ITSN2: variants seen among roughly 807,000 people sequenced by gnomAD.
ITSN2 encodes the protein intersectin-2.
Under a neutral mutation model 243.7 loss-of-function variants are expected in ITSN2, and 156 were observed. The ratio of observed to expected loss-of-function variants is 0.64; its 90% CI spans 0.56 to 0.73. The LOEUF (loss-of-function observed/expected upper bound fraction) is 0.73, where lower values mean the gene tolerates loss of function less well. ITSN2 is among the 30% of genes least tolerant of loss of function. ITSN2 has a pLI of 0.00. For synonymous variants in ITSN2, 703 were observed against 699.9 expected (o/e 1.00, Z -0.07); for missense variants, 1,801 against 1,996.1 (o/e 0.90, Z 1.86).
chr2:24,338,712 C>A (rs1222250436), intron 1 of ITSN2, among the ~76,000 whole-genome samples: 1 of 152,026 alleles, frequency 6.6e-6, no homozygotes, highest in Non-Finnish European at 1.5e-5. Flanking sequence ...AGGGACTTGG[C>A]CAGGTGCAGT....
At chr2:24,222,668 CTTTTTTTTT>C (rs56149622) in intron 29 of ITSN2, among the ~76,000 whole-genome samples, 2 of 77,242 alleles carry the variant, frequency 2.6e-5, no homozygotes, top group African/African-American at 5.4e-5. Context: ...TTTTTCTTTT[CTTTTTTTTT>C]TTTTTTTTTT....
intron 18 of ITSN2, among the ~76,000 whole-genome samples, chr2:24,273,013 G>A (rs80107746): frequency 1.6e-4 from 25 of 152,182 alleles, no homozygotes; most frequent in Non-Finnish European, 3.4e-4. Flanking sequence ...GCACTATCAG[G>A]GCAGTGAAGA....
intron 7 of ITSN2, among the ~76,000 whole-genome samples, 185 bp downstream of exon 7, chr2:24,310,099 C>T (rs939594195): frequency 6.6e-6 from 1 of 151,832 alleles, no homozygotes; most frequent in African/African-American, 2.4e-5. Context: ...GCCACAGACA[C>T]TTAATAATTC....
chr2:24,284,720 G>C, intron 17 of ITSN2, 43 bp downstream of exon 17: 1 of 1,167,774 alleles, frequency 8.6e-7, no homozygotes, highest in Non-Finnish European at 1.3e-6. Flanking sequence ...AAATAAAACA[G>C]CAAAGTAACT....
intron 8 of ITSN2, among the ~76,000 whole-genome samples, chr2:24,305,576 C>CA (rs537945691): frequency 0.081 from 3,122 of 38,606 alleles, 157 homozygotes; most frequent in Non-Finnish European, 0.12. Flanking sequence ...GACTCTGTCT[C>CA]AAAAAAAAAA....
intron 4 of ITSN2, among the ~76,000 whole-genome samples, 165 bp from the exon 5 acceptor site, chr2:24,312,540 A>G (rs558555638): frequency 6.6e-6 from 1 of 152,334 alleles, no homozygotes; most frequent in South Asian, 2.1e-4. Context: ...CAAAAAGATA[A>G]AACCTACACT....
At chr2:24,354,740 T>C (rs1382803834) in intron 1 of ITSN2, among the ~76,000 whole-genome samples, 1 of 152,238 alleles carries the variant, frequency 6.6e-6, no homozygotes, top group Non-Finnish European at 1.5e-5. Flanking sequence ...ATGAAATTTT[T>C]ATTAAAATCA....
In ITSN2 at chr2:24,312,360, T is replaced by G. The variant is rs188780327; in HGVS notation, c.204A>C (p.Leu68=). ...GCTGATCCATCTTCCCATCCTTGTT[T>G]AGGTCTGATAAAGCCCTAAAAGGAG... ...VLAEIWALSD[L]NKDGKMDQQE... is the part of the protein sequence containing the mutation. The change falls in exon 5 of 40, where the codon CTA becomes CTC. Residue 68 remains leucine (L), a synonymous_variant. Coordinates refer to ENST00000355123, the MANE Select transcript of ITSN2 (RefSeq NM_006277.3). 1.1e-5 allele frequency: 17 copies of G among 1,610,470 alleles called. No individual in the cohort carries two copies. Among genetic ancestry groups the G allele is most frequent in the Admixed American group, 1.0e-4 (6 of 59,618 alleles).
At position 24,268,001 on chromosome 2, in the gene ITSN2, T is replaced by C. The variant is rs554526060; in HGVS notation, c.2355+2670A>G. Among the ~76,000 whole-genome samples, 9 of 152,352 alleles carry C rather than the reference T, an allele frequency of 5.9e-5. No homozygotes were observed. The South Asian group carries it at 1.2e-3, about 21-fold the overall frequency. On this transcript the variant is annotated intron_variant, in intron 20 of 39. Transcript: ENST00000355123. ...ATTTTAATCTCTTTCACATCTGTCA[T>C]TTATAGTTGTAATTAATTTTTAGTT...
At position 24,212,709 on chromosome 2, in the gene ITSN2, A is replaced by T. The variant is rs1451700878; in HGVS notation, c.4030T>A (p.Ser1344Thr). ...TGCATGGGTTTCAGCAGGAAGCTGGAGAGGGGCATTCCTTTACACCGCGGG... is the reference window on the plus strand; with the variant it reads ...TGCATGGGTTTCAGCAGGAAGCTGGTGAGGGGCATTCCTTTACACCGCGGG... ...SDPRCKGMPLSSFLLKPMQRI... is the reference protein window; with the variant it reads ...SDPRCKGMPLTSFLLKPMQRI... Residue 1344 changes from serine to threonine, a missense_variant, in exon 33 of 40, where the codon TCC becomes ACC. Transcript: ENST00000355123. The T allele has an allele frequency of 6.2e-7, 1 of 1,613,818 alleles. No homozygotes were observed. Among genetic ancestry groups the T allele is most frequent in the Admixed American group, 1.7e-5 (1 of 59,930 alleles).
chr2:24,223,522 T>TA (rs1313838002), intron 29 of ITSN2, among the ~76,000 whole-genome samples: 78 of 141,376 alleles, frequency 5.5e-4, no homozygotes, highest in Middle Eastern at 3.6e-3. Context: ...TCTACCAAAT[T>TA]AAAAAAAAAA....
At chr2:24,278,998 T>C (rs1678411043) in intron 17 of ITSN2, among the ~76,000 whole-genome samples, 1 of 152,198 alleles carries the variant, frequency 6.6e-6, no homozygotes, top group Non-Finnish European at 1.5e-5. Flanking sequence ...TCTTTTACGT[T>C]AAGGAACTTC....
At chr2:24,316,574 C>T (rs938102845) in intron 2 of ITSN2, among the ~76,000 whole-genome samples, 2 of 152,194 alleles carry the variant, frequency 1.3e-5, no homozygotes, top group Admixed American at 6.5e-5. Flanking sequence ...AGCCACCACG[C>T]CCAGACAGTT....
intron 20 of ITSN2, among the ~76,000 whole-genome samples, chr2:24,262,012 C>T (rs1202377038): frequency 1.3e-5 from 2 of 152,194 alleles, no homozygotes; most frequent in African/African-American, 4.8e-5. Flanking sequence ...CAATCCTCCC[C>T]TATCTCATGG....
intron 29 of ITSN2, among the ~76,000 whole-genome samples, chr2:24,227,453 C>G (rs1299778844): frequency 6.6e-6 from 1 of 151,562 alleles, no homozygotes; most frequent in African/African-American, 2.4e-5. Flanking sequence ...GGGCTTGAAG[C>G]CATAGGTAGT....
At position 24,252,325 on chromosome 2, in the gene ITSN2, T is replaced by G; in HGVS notation, c.3120+20A>C. 1 of 1,564,640 alleles carries G rather than the reference T, an allele frequency of 6.4e-7. No homozygotes were observed. The highest frequency in any genetic ancestry group is 1.1e-5 in the South Asian group (1 of 88,316). ...ATAAACCTGATTAACCAGAATGGGT[T>G]GATTTTAATATCAAAATACCTCTTG... On this transcript the variant is annotated intron_variant, in intron 25 of 39. Transcript: ENST00000355123.
At chr2:24,314,117 T>C (rs760641273) in intron 3 of ITSN2, among the ~76,000 whole-genome samples, 12 of 152,104 alleles carry the variant, frequency 7.9e-5, no homozygotes, top group Admixed American at 1.3e-4. Context: ...AATCATAGCA[T>C]GTGTACTATT....
intron 23 of ITSN2, among the ~76,000 whole-genome samples, chr2:24,255,437 T>A (rs989659939): frequency 2.6e-5 from 4 of 152,138 alleles, no homozygotes. Context: ...GAGACCAGCC[T>A]GGCCAACATG....
At chr2:24,221,162 T>A (rs1022827650) in intron 29 of ITSN2, 96 bp from the exon 30 acceptor site, 3 of 1,334,688 alleles carry the variant, frequency 2.2e-6, no homozygotes, top group African/African-American at 3.0e-5. Context: ...CAAATGCTGC[T>A]TTGAAAGAAT....
Sources: allele counts gnomAD v4.1 joint callset (sites outside exome capture counted in the v4.1 genomes callset), GRCh38; gene constraint gnomAD v4.1.1; transcripts MANE v1.5; gene names NCBI Gene and HGNC (gene_info 2026-07-23, HGNC 2026-07-21).